SGMS1: variants seen among roughly 807,000 people sequenced by gnomAD.
The protein encoded by SGMS1 is sphingomyelin synthase 1.
A neutral mutation model predicts 46.2 loss-of-function variants in SGMS1; 13 were observed. That is an observed-to-expected ratio of 0.28 (90% CI 0.18 to 0.45). The LOEUF (loss-of-function observed/expected upper bound fraction) is 0.45, where lower values mean the gene tolerates loss of function less well. Ranked by LOEUF, SGMS1 falls within the 20% of genes least tolerant of loss-of-function variation. SGMS1 has a pLI of 1.00. For synonymous variants in SGMS1, 203 were observed against 187.8 expected (o/e 1.08, Z -0.66); for missense variants, 324 against 519.9 (o/e 0.62, Z 3.66).
intron 4 of SGMS1, among the ~76,000 whole-genome samples, chr10:50,461,582 T>G (rs1290393840): frequency 6.6e-6 from 1 of 152,194 alleles, no homozygotes; most frequent in Non-Finnish European, 1.5e-5. Context: ...CAGGATCATA[T>G]AAGCCCTGCA....
chr10:50,545,636 C>T (rs370182335), intron 2 of SGMS1, among the ~76,000 whole-genome samples: 1 of 152,124 alleles, frequency 6.6e-6, no homozygotes, highest in Non-Finnish European at 1.5e-5. Context: ...CAGGGTTTCA[C>T]CATGTTGGCC....
chr10:50,487,746 AT>A (rs1437953631), intron 3 of SGMS1, among the ~76,000 whole-genome samples: 3 of 151,888 alleles, frequency 2.0e-5, no homozygotes, highest in African/African-American at 4.8e-5. Context: ...CCTCACTTCC[AT>A]TTTTTGAGAG....
chr10:50,539,234 G>A (rs1838031138), intron 2 of SGMS1, among the ~76,000 whole-genome samples: 1 of 152,204 alleles, frequency 6.6e-6, no homozygotes, highest in South Asian at 2.1e-4. Flanking sequence ...CTTCCCGCCT[G>A]TGTCAGCTGT....
chr10:50,605,320 A>G (rs561566550), intron 1 of SGMS1, among the ~76,000 whole-genome samples: 45 of 152,258 alleles, frequency 3.0e-4, no homozygotes, highest in Non-Finnish European at 5.4e-4. Flanking sequence ...ATCCATAAAC[A>G]GAAATTCCAG....
At chr10:50,417,753 T>A (rs1054133135) in intron 6 of SGMS1, among the ~76,000 whole-genome samples, 1 of 152,162 alleles carries the variant, frequency 6.6e-6, no homozygotes, top group African/African-American at 2.4e-5. Context: ...TTAGGAAGAC[T>A]TGATAACCCC....
intron 1 of SGMS1, among the ~76,000 whole-genome samples, chr10:50,604,120 A>G (rs1838672890): frequency 6.6e-6 from 1 of 152,098 alleles, no homozygotes; most frequent in African/African-American, 2.4e-5. Context: ...CTTTTCTATC[A>G]CTTCCTCCTG....
At chr10:50,382,615 C>CAA (rs797022089) in intron 6 of SGMS1, among the ~76,000 whole-genome samples, 21 of 136,282 alleles carry the variant, frequency 1.5e-4, no homozygotes, top group African/African-American at 5.7e-4. Context: ...CCATTCTGAC[C>CAA]AAAAAAAAAA....
chr10:50,488,358 A>G (rs1407207333), intron 3 of SGMS1, among the ~76,000 whole-genome samples: 2 of 152,170 alleles, frequency 1.3e-5, no homozygotes, highest in East Asian at 3.8e-4. Context: ...ACCCAATTTC[A>G]CATAGTCTTC....
intron 8 of SGMS1, among the ~76,000 whole-genome samples, chr10:50,315,485 G>T (rs1847325208): frequency 6.6e-6 from 1 of 152,152 alleles, no homozygotes; most frequent in African/African-American, 2.4e-5. Context: ...GAAAAGAAAA[G>T]AACAAAATGA....
chr10:50,580,903 C>T (rs1471243089), intron 2 of SGMS1, among the ~76,000 whole-genome samples: 1 of 152,110 alleles, frequency 6.6e-6, no homozygotes, highest in Non-Finnish European at 1.5e-5. Context: ...GTAAAGAAGG[C>T]AAATTTTATG....
At chr10:50,439,529 T>C (rs1351386843) in intron 5 of SGMS1, among the ~76,000 whole-genome samples, 4 of 152,194 alleles carry the variant, frequency 2.6e-5, no homozygotes, top group Admixed American at 6.5e-5. Flanking sequence ...TAATCAGACC[T>C]ACCAAACTTT....
At chr10:50,443,037 C>T (rs1004493730) in intron 5 of SGMS1, among the ~76,000 whole-genome samples, 1 of 152,060 alleles carries the variant, frequency 6.6e-6, no homozygotes. Flanking sequence ...GCAAAAATTT[C>T]AAAATAGAAA....
At chr10:50,580,386 G>A (rs1198858018) in intron 2 of SGMS1, among the ~76,000 whole-genome samples, 1 of 151,890 alleles carries the variant, frequency 6.6e-6, no homozygotes, top group Non-Finnish European at 1.5e-5. Flanking sequence ...ACTTTCACAA[G>A]TGTCTAATGA....
At chr10:50,336,131 C>G (rs373074537) in intron 7 of SGMS1, 1 of 152,044 alleles carries the variant, frequency 6.6e-6, no homozygotes, top group Non-Finnish European at 1.5e-5. Context: ...AAACTGCCCT[C>G]GGTAAACAAA....
At chr10:50,569,783 C>T (rs1387873680) in intron 2 of SGMS1, among the ~76,000 whole-genome samples, 1 of 152,120 alleles carries the variant, frequency 6.6e-6, no homozygotes, top group Non-Finnish European at 1.5e-5. Flanking sequence ...GAACTGAGGT[C>T]AGTGCTGATT....
At chr10:50,362,827 TA>T (rs1236964756) in intron 6 of SGMS1, among the ~76,000 whole-genome samples, 1 of 152,164 alleles carries the variant, frequency 6.6e-6, no homozygotes, top group African/African-American at 2.4e-5. Flanking sequence ...TAGATGTGTT[TA>T]AAGAAGGTAC....
intron 2 of SGMS1, among the ~76,000 whole-genome samples, chr10:50,532,726 C>T (rs114737780): frequency 0.012 from 1,768 of 152,276 alleles, 32 homozygotes; most frequent in African/African-American, 0.041. Flanking sequence ...TACAATCCTC[C>T]GCAAAATTCA....
chr10:50,454,763 A>AG (rs1837170084), intron 5 of SGMS1, among the ~76,000 whole-genome samples: 2 of 152,226 alleles, frequency 1.3e-5, no homozygotes, highest in Admixed American at 1.3e-4. Context: ...TAATTGCTAT[A>AG]GAAAACACAA....
intron 2 of SGMS1, among the ~76,000 whole-genome samples, chr10:50,525,999 A>G (rs1197870936): frequency 6.6e-6 from 1 of 152,180 alleles, no homozygotes; most frequent in African/African-American, 2.4e-5. Context: ...CAATAATACA[A>G]CCATTTATTG....
Sources: gnomAD v4.1 joint callset for allele counts (sites outside exome capture counted in the v4.1 genomes callset) on GRCh38, gnomAD v4.1.1 for gene constraint, MANE v1.5 for transcripts, NCBI Gene and HGNC (gene_info 2026-07-23, HGNC 2026-07-21) for gene names.